Variants in RIPOR3 observed in about 807,000 individuals in gnomAD.
The protein encoded by RIPOR3 is RIPOR family member 3.
A neutral mutation model predicts 114.3 loss-of-function variants in RIPOR3; 95 were observed. That is an observed-to-expected ratio of 0.83 (90% CI 0.70 to 0.99). The LOEUF (loss-of-function observed/expected upper bound fraction) is 0.99. RIPOR3 is among the 50% of genes least tolerant of loss of function. The probability of loss-of-function intolerance (pLI) is 0.00; values close to 1 mark genes in which losing one functional copy is unlikely to be tolerated. For missense variants in RIPOR3, 1,252 were observed against 1,266.9 expected (o/e 0.99, Z 0.18); for synonymous variants, 575 against 543.8 (o/e 1.06, Z -0.80).
intron 17 of RIPOR3, among the ~76,000 whole-genome samples, chr20:50,594,199 C>T (rs1601447396): frequency 6.6e-6 from 1 of 151,624 alleles, no homozygotes; most frequent in Middle Eastern, 3.4e-3. Flanking sequence ...TCGCTTGAAC[C>T]CGGGAGGTAG....
intron 1 of RIPOR3, among the ~76,000 whole-genome samples, chr20:50,648,482 CAA>C (rs1233030825): frequency 2.2e-5 from 3 of 134,636 alleles, no homozygotes; most frequent in Non-Finnish European, 4.8e-5. Context: ...GCACCAGGGA[CAA>C]GTTTTGTGGA....
intron 1 of RIPOR3, among the ~76,000 whole-genome samples, chr20:50,652,610 AAAAGAAAAGAAAAGAAAAGAAAG>A (rs1206678837): frequency 1.4e-5 from 2 of 145,414 alleles, no homozygotes; most frequent in African/African-American, 5.2e-5. Flanking sequence ...AAAAAAAAAA[AAAAGAAAAGAAAAGAAAAGAAAG>A]AAAGAAAAGA....
chr20:50,601,196 G>C (rs1178733838), intron 13 of RIPOR3, among the ~76,000 whole-genome samples: 3 of 152,228 alleles, frequency 2.0e-5, no homozygotes, highest in Non-Finnish European at 4.4e-5. Context: ...CACTTTGGGA[G>C]GCTGAGGCAG....
chr20:50,655,408 G>C (rs2085774801), intron 1 of RIPOR3, among the ~76,000 whole-genome samples: 1 of 152,210 alleles, frequency 6.6e-6, no homozygotes, highest in South Asian at 2.1e-4. Context: ...GGTGAAAGCA[G>C]CCAGACACAC....
intron 1 of RIPOR3, among the ~76,000 whole-genome samples, chr20:50,655,185 A>G (rs571598813): frequency 2.6e-5 from 4 of 152,338 alleles, no homozygotes; most frequent in Admixed American, 2.0e-4. Flanking sequence ...CTTCCTGCAT[A>G]TTGTCTCCAG....
At chr20:50,667,941 G>A (rs2086311693) in intron 1 of RIPOR3, among the ~76,000 whole-genome samples, 1 of 152,202 alleles carries the variant, frequency 6.6e-6, no homozygotes, top group African/African-American at 2.4e-5. Flanking sequence ...CTGTTTCTGA[G>A]ATTCCATGCT....
intron 1 of RIPOR3, among the ~76,000 whole-genome samples, chr20:50,664,335 G>A (rs865827350): frequency 1.3e-5 from 2 of 151,912 alleles, no homozygotes; most frequent in African/African-American, 2.4e-5. Flanking sequence ...GACAAACAGC[G>A]TGGCTGCTAG....
At chr20:50,671,160 G>A (rs2086466546) in intron 1 of RIPOR3, among the ~76,000 whole-genome samples, 2 of 152,046 alleles carry the variant, frequency 1.3e-5, no homozygotes, top group Non-Finnish European at 2.9e-5. Flanking sequence ...GTTATTTTTA[G>A]TTGTATTTTA....
Position 50,602,914 on chromosome 20 carries a change from G to A in RIPOR3, c.1087-270C>T, listed in dbSNP as rs1018972628. 6.6e-6 allele frequency among the ~76,000 whole-genome samples: 1 copy of A among 152,190 alleles called. No individual in the cohort carries two copies. The highest frequency in any genetic ancestry group is 1.5e-5 in the Non-Finnish European group (1 of 68,032). ...CCTGTGGGCTGGGCCCCACGTTCCTGCCTCAGGGCCTTTGCACTGACTGTG... is the reference window on the plus strand; with the variant it reads ...CCTGTGGGCTGGGCCCCACGTTCCTACCTCAGGGCCTTTGCACTGACTGTG... On this transcript the variant is annotated intron_variant, in intron 12 of 21. Transcript: ENST00000327979. This position sits in a 1 kb window ranked among gnomAD's most constrained non-coding sequence, Gnocchi z 4.3.
chr20:50,595,874 A>G (rs1011373962), intron 15 of RIPOR3, among the ~76,000 whole-genome samples: 1 of 152,172 alleles, frequency 6.6e-6, no homozygotes, highest in Non-Finnish European at 1.5e-5. Flanking sequence ...TGGCTGAGCC[A>G]GTTTGCATTA....
intron 1 of RIPOR3, among the ~76,000 whole-genome samples, chr20:50,682,874 T>G (rs1488794063): frequency 4.6e-5 from 7 of 151,772 alleles, no homozygotes; most frequent in Non-Finnish European, 7.4e-5. Context: ...TTTACAGGCA[T>G]GCACCACCAC....
intron 1 of RIPOR3, chr20:50,662,087 G>A (rs553411773): frequency 7.9e-5 from 12 of 152,342 alleles, no homozygotes; most frequent in Non-Finnish European, 1.2e-4. Context: ...CTCCTGATGA[G>A]GAAAAGGATC....
chr20:50,665,421 CTTTTT>C (rs11471486), intron 1 of RIPOR3, among the ~76,000 whole-genome samples: 1 of 107,856 alleles, frequency 9.3e-6, no homozygotes, highest in African/African-American at 3.4e-5. Flanking sequence ...CCCCCTCTTC[CTTTTT>C]TTTTTTTTTT....
At chr20:50,609,546 T>C in intron 7 of RIPOR3, 27 bp downstream of exon 7, 1 of 1,427,362 alleles carries the variant, frequency 7.0e-7, no homozygotes, top group Non-Finnish European at 9.1e-7. Context: ...CTGCCCCTGC[T>C]GCCCAGCCCA....
intron 1 of RIPOR3, among the ~76,000 whole-genome samples, chr20:50,689,387 G>T (rs1445255135): frequency 2.6e-5 from 4 of 152,048 alleles, no homozygotes; most frequent in Non-Finnish European, 5.9e-5. Flanking sequence ...TGTTGGCCAG[G>T]CTAGTCTCAA....
At chr20:50,619,280 GAAAAA>G (rs550576851) in intron 3 of RIPOR3, among the ~76,000 whole-genome samples, 1 of 143,230 alleles carries the variant, frequency 7.0e-6, no homozygotes, top group African/African-American at 2.6e-5. Flanking sequence ...CTCAAAAAAA[GAAAAA>G]AAAAAATTAG....
At chr20:50,671,040 GC>G (rs761903797) in intron 1 of RIPOR3, among the ~76,000 whole-genome samples, 16 of 152,170 alleles carry the variant, frequency 1.1e-4, no homozygotes, top group Non-Finnish European at 2.1e-4. Flanking sequence ...TGATTCTCCT[GC>G]CTCAGCCTCC....
chr20:50,658,050 A>T (rs570106701), intron 1 of RIPOR3, among the ~76,000 whole-genome samples: 69 of 152,142 alleles, frequency 4.5e-4, no homozygotes, highest in Non-Finnish European at 7.2e-4. Context: ...CAGGTGTGAG[A>T]CACCATACCC....
At chr20:50,628,662 T>C (rs1314270846) in intron 2 of RIPOR3, among the ~76,000 whole-genome samples, 2 of 152,094 alleles carry the variant, frequency 1.3e-5, no homozygotes, top group African/African-American at 4.8e-5. Context: ...TCTGTCTCAA[T>C]TATCACTGGC....
Sources: allele counts gnomAD v4.1 joint callset (sites outside exome capture counted in the v4.1 genomes callset), GRCh38; gene constraint gnomAD v4.1.1; non-coding constraint Gnocchi (gnomAD v3.1); transcripts MANE v1.5; gene names NCBI Gene and HGNC (gene_info 2026-07-23, HGNC 2026-07-21).